DAB1: variants seen among roughly 807,000 people sequenced by gnomAD.
The protein encoded by DAB1 is disabled homolog 1.
A neutral mutation model predicts 64.6 loss-of-function variants in DAB1; 15 were observed. The ratio of observed to expected loss-of-function variants is 0.23; its 90% CI spans 0.16 to 0.36. The LOEUF (loss-of-function observed/expected upper bound fraction) is 0.36, where lower values mean the gene tolerates loss of function less well. Among genes scored for constraint, DAB1 ranks in the 10% least tolerant of loss-of-function variants. DAB1 has a pLI of 1.00. For synonymous variants in DAB1, 235 were observed against 251.9 expected, an observed-to-expected ratio of 0.93 and a Z score of 0.64; for missense variants, 596 against 706.7, an observed-to-expected ratio of 0.84 and a Z score of 1.78.
intron 2 of DAB1, among the ~76,000 whole-genome samples, chr1:57,208,214 G>T (rs1665744397): frequency 6.6e-6 from 1 of 151,394 alleles, no homozygotes; most frequent in Admixed American, 6.6e-5. Context: ...TGAGGGAGTT[G>T]GGGTATTTAT....
rs138330609 is a variant in DAB1 at position 58,216,637 on chromosome 1, C to G, written n.310-66049G>C. On this transcript the variant is annotated intron_variant and non_coding_transcript_variant, in intron 4 of 20. Transcript: ENST00000485760. ...TCCACAACGGTTGAACTAACTTACA[C>G]TCCCACCAACAGTGTAAAAGCATTC... is the stretch of plus-strand genomic sequence containing the variant. 1.5e-3 allele frequency among the ~76,000 whole-genome samples: 227 copies of G among 152,318 alleles called. 2 individuals are homozygous for G. Among genetic ancestry groups the G allele is most frequent in the African/African-American group, 5.3e-3 (220 of 41,564 alleles).
At chr1:58,132,051 C>A (rs1049917439) in intron 5 of DAB1, among the ~76,000 whole-genome samples, 2 of 152,152 alleles carry the variant, frequency 1.3e-5, no homozygotes, top group Non-Finnish European at 2.9e-5. Flanking sequence ...GCGCCCCTCC[C>A]CCAGCCTCAA....
intron 6 of DAB1, chr1:57,649,714 T>G (rs898642154): frequency 8.5e-5 from 13 of 152,232 alleles, no homozygotes; most frequent in African/African-American, 2.7e-4. Flanking sequence ...ATTAATTATT[T>G]AATGGTCTTG....
At chr1:57,713,151 T>A (rs1213294164) in intron 6 of DAB1, among the ~76,000 whole-genome samples, 2 of 152,176 alleles carry the variant, frequency 1.3e-5, no homozygotes, top group Non-Finnish European at 1.5e-5. Context: ...CCTCTATGAA[T>A]TTATTACTTA....
chr1:57,540,937 A>G (rs1252285510), intron 7 of DAB1, among the ~76,000 whole-genome samples: 1 of 152,146 alleles, frequency 6.6e-6, no homozygotes, highest in Non-Finnish European at 1.5e-5. Context: ...CTTAACAACA[A>G]TGTACTGTAT....
intron 7 of DAB1, among the ~76,000 whole-genome samples, chr1:57,557,888 C>T (rs913033893): frequency 8.5e-5 from 13 of 152,246 alleles, no homozygotes; most frequent in African/African-American, 1.7e-4. Flanking sequence ...TTCTATCTCC[C>T]GGCTTCAGAA....
At chr1:57,884,984 A>C (rs556490705), upstream of DAB1, among the ~76,000 whole-genome samples, 2 of 152,316 alleles carry the variant, frequency 1.3e-5, no homozygotes, top group African/African-American at 4.8e-5. Context: ...GGCCCTCCTC[A>C]GTAGCAGATG....
At chr1:57,225,938 G>T (rs950330961) in intron 2 of DAB1, among the ~76,000 whole-genome samples, 7 of 152,054 alleles carry the variant, frequency 4.6e-5, no homozygotes, top group Non-Finnish European at 1.0e-4. Flanking sequence ...CATTCTGGTT[G>T]TCATCTTATT....
intron 5 of DAB1, among the ~76,000 whole-genome samples, chr1:57,936,560 T>A (rs761628604): frequency 2.7e-4 from 41 of 152,046 alleles, no homozygotes; most frequent in Admixed American, 4.6e-4. Context: ...CCCAGCTAAT[T>A]TTTTTTTCTT....
intron 5 of DAB1, among the ~76,000 whole-genome samples, chr1:57,943,449 G>A (rs1261345211): frequency 6.6e-6 from 1 of 152,182 alleles, no homozygotes; most frequent in Non-Finnish European, 1.5e-5. Context: ...CCTATTGGAA[G>A]AGCCTGTTCA....
chr1:57,050,071 A>T (rs1649020906), intron 9 of DAB1, among the ~76,000 whole-genome samples: 1 of 151,978 alleles, frequency 6.6e-6, no homozygotes, highest in Admixed American at 6.5e-5. Flanking sequence ...ATCCCTAAGG[A>T]CAGTAGCCAC....
chr1:57,185,712 G>A (rs1192312824), intron 2 of DAB1, among the ~76,000 whole-genome samples: 2 of 152,172 alleles, frequency 1.3e-5, no homozygotes, highest in Non-Finnish European at 1.5e-5. Flanking sequence ...TGCTGTCTCC[G>A]AAGTAAGAAA....
intron 4 of DAB1, among the ~76,000 whole-genome samples, chr1:58,209,983 TCTC>T (rs1427276333): frequency 6.6e-6 from 1 of 152,126 alleles, no homozygotes; most frequent in African/African-American, 2.4e-5. Flanking sequence ...TACTAACTCT[TCTC>T]CTAATGAGGA....
intron 5 of DAB1, among the ~76,000 whole-genome samples, chr1:58,000,852 C>G (rs1449554850): frequency 6.6e-6 from 1 of 151,748 alleles, no homozygotes; most frequent in East Asian, 2.0e-4. Context: ...ATTACAGGTA[C>G]GAGCCACCAC....
At chr1:57,836,862 T>C (rs1652831632) in intron 1 of DAB1, among the ~76,000 whole-genome samples, 1 of 152,180 alleles carries the variant, frequency 6.6e-6, no homozygotes. Flanking sequence ...AGTCTTTTCA[T>C]TCATTCAACA....
At chr1:57,318,833 C>T (rs2100757406) in intron 1 of DAB1, among the ~76,000 whole-genome samples, 1 of 151,476 alleles carries the variant, frequency 6.6e-6, no homozygotes, top group African/African-American at 2.4e-5. Flanking sequence ...TGTGGTTTCA[C>T]ATTTTGCATG....
exon 3 of DAB1, chr1:58,506,170 G>T (rs1242881925): frequency 1.1e-6 from 1 of 871,950 alleles, no homozygotes; most frequent in East Asian, 2.4e-5. Flanking sequence ...AACTCCATTT[G>T]CTGCCAAAAC....
At chr1:58,358,480 T>A (rs1316520203) in intron 3 of DAB1, among the ~76,000 whole-genome samples, 1 of 152,120 alleles carries the variant, frequency 6.6e-6, no homozygotes, top group Non-Finnish European at 1.5e-5. Flanking sequence ...ACATGACTCA[T>A]CTGAAAGCAA....
At chr1:58,123,580 T>A (rs1042042489) in intron 5 of DAB1, among the ~76,000 whole-genome samples, 52 of 152,312 alleles carry the variant, frequency 3.4e-4, no homozygotes, top group Middle Eastern at 3.4e-3. Context: ...GTAATTTACC[T>A]TCTATAGAAC....
Sources: allele counts gnomAD v4.1 joint callset (sites outside exome capture counted in the v4.1 genomes callset), GRCh38; gene constraint gnomAD v4.1.1; transcripts MANE v1.5; gene names NCBI Gene and HGNC (gene_info 2026-07-23, HGNC 2026-07-21).